Variants in PDXDC1 observed in about 807,000 individuals in gnomAD.
PDXDC1 encodes the protein pyridoxal-dependent decarboxylase domain-containing protein 1.
A neutral mutation model predicts 100.1 loss-of-function variants in PDXDC1; 42 were observed. That is an observed-to-expected ratio of 0.42 (90% confidence interval 0.33 to 0.54). The LOEUF (loss-of-function observed/expected upper bound fraction) is 0.54. PDXDC1 is among the 20% of genes least tolerant of loss of function. PDXDC1 has a pLI of 0.10. For synonymous variants in PDXDC1, 260 were observed against 371.7 expected (o/e 0.70, Z 3.46); for missense variants, 636 against 979.2 (o/e 0.65, Z 4.68).
intron 16 of PDXDC1, chr16:15,068,105 T>C (rs2045055359): frequency 1.3e-6 from 2 of 1,502,356 alleles, no homozygotes; most frequent in Non-Finnish European, 9.0e-7. Context: ...ACTCTTACAA[T>C]ACTAGATAAA....
At chr16:15,055,841 G>A (rs1429697264) in intron 16 of PDXDC1, 1 of 1,024,600 alleles carries the variant, frequency 9.8e-7, no homozygotes, top group South Asian at 4.9e-5. Flanking sequence ...AGCCCGCCCT[G>A]CAGCTTCCCC....
At chr16:15,084,443 C>T (rs558033210) in intron 16 of PDXDC1, among the ~76,000 whole-genome samples, 212 of 150,950 alleles carry the variant, frequency 1.4e-3, no homozygotes, top group African/African-American at 4.6e-3. Context: ...TGCATACAAA[C>T]TTTGAAAAAC....
chr16:15,149,003 C>T, the PDXDC1 span, among the ~76,000 whole-genome samples: 4 of 152,220 alleles, frequency 2.6e-5, no homozygotes, highest in Non-Finnish European at 5.9e-5. Flanking sequence ...TCTGAACGCC[C>T]GAGTGCGGGA....
chr16:15,076,677 A>G (rs1472258601), intron 16 of PDXDC1: 5 of 1,469,240 alleles, frequency 3.4e-6, no homozygotes, highest in East Asian at 2.3e-5. Flanking sequence ...AAAAAAAAGA[A>G]TAAAAGGATT....
At chr16:15,039,722 A>C (rs887965998), downstream of PDXDC1, among the ~76,000 whole-genome samples, 1 of 152,262 alleles carries the variant, frequency 6.6e-6, no homozygotes, top group South Asian at 2.1e-4. Flanking sequence ...TTGAATTCGG[A>C]TGCTGGGGTT....
At chr16:15,104,229 A>G in intron 16 of PDXDC1, 1 of 1,205,796 alleles carries the variant, frequency 8.3e-7, no homozygotes, top group East Asian at 2.6e-5. Flanking sequence ...AAGATTAAAA[A>G]AACCCCTACG....
At chr16:15,129,836 G>T in intron 16 of PDXDC1, 1 of 747,020 alleles carries the variant, frequency 1.3e-6, no homozygotes, top group Non-Finnish European at 2.4e-6. Context: ...AACCAGCACA[G>T]CCAGTGAGAG....
chr16:15,076,686 T>C, intron 16 of PDXDC1: 1 of 1,415,394 alleles, frequency 7.1e-7, no homozygotes, highest in Middle Eastern at 1.8e-4. Context: ...AATAAAAGGA[T>C]TTAAAAAATA....
At chr16:15,124,617 C>G (rs1337781927) in intron 16 of PDXDC1, among the ~76,000 whole-genome samples, 2 of 148,544 alleles carry the variant, frequency 1.3e-5, no homozygotes, top group African/African-American at 2.4e-5. Flanking sequence ...TAATAAAATA[C>G]AAAAATTAGC....
At chr16:15,094,345 G>C in intron 16 of PDXDC1, 9 of 997,846 alleles carry the variant, frequency 9.0e-6, no homozygotes, top group Non-Finnish European at 9.0e-6. Context: ...CCAATCAGCG[G>C]CCCCGCGTGG....
At chr16:15,143,690 A>G (rs1206841453), downstream of PDXDC1, among the ~76,000 whole-genome samples, 1 of 152,204 alleles carries the variant, frequency 6.6e-6, no homozygotes, top group Non-Finnish European at 1.5e-5. Flanking sequence ...CGGGGCGTGC[A>G]ACAGTGGGAC....
intron 1 of PDXDC1, among the ~76,000 whole-genome samples, chr16:14,980,045 A>G (rs1297284521): frequency 6.6e-6 from 1 of 152,298 alleles, no homozygotes; most frequent in Non-Finnish European, 1.5e-5. Context: ...ATGGCTGTAA[A>G]TGATTATCTA....
chr16:15,001,714 C>T (rs765898188), intron 3 of PDXDC1, 62 bp from the exon 4 acceptor site: 281 of 1,420,460 alleles, frequency 2.0e-4, no homozygotes, highest in Non-Finnish European at 2.5e-4. Flanking sequence ...AGGGAAGTAG[C>T]GGGAGAGTGG....
chr16:15,124,421 A>T (rs2047591130), intron 16 of PDXDC1, among the ~76,000 whole-genome samples: 1 of 152,182 alleles, frequency 6.6e-6, no homozygotes, highest in Non-Finnish European at 1.5e-5. Flanking sequence ...GATGCTACAA[A>T]TAGAAAGCCA....
chr16:15,055,140 C>A (rs1365769490), intron 16 of PDXDC1, among the ~76,000 whole-genome samples: 1 of 152,154 alleles, frequency 6.6e-6, no homozygotes, highest in Non-Finnish European at 1.5e-5. Context: ...TCCCCTTTAA[C>A]AGGATCTATG....
At chr16:15,146,780 C>T in the PDXDC1 span, among the ~76,000 whole-genome samples, 9 of 151,964 alleles carry the variant, frequency 5.9e-5, no homozygotes, top group Admixed American at 6.6e-5. Context: ...AATGGGCCCC[C>T]GGAACCCCTG....
chr16:14,993,910 T>C (rs1275146135), intron 1 of PDXDC1, among the ~76,000 whole-genome samples: 2 of 152,300 alleles, frequency 1.3e-5, no homozygotes, highest in African/African-American at 4.8e-5. Flanking sequence ...TGAGCATTTT[T>C]TCATGTGTCT....
At chr16:15,137,395 C>G (rs891971740) in intron 16 of PDXDC1, 35 of 1,512,046 alleles carry the variant, frequency 2.3e-5, no homozygotes, top group African/African-American at 1.7e-4. Context: ...AGCCCTGCTC[C>G]GAGAGGGCTG....
In PDXDC1 at chr16:15,008,807, G is replaced by C. The variant is rs371802617; in HGVS notation, c.608G>C (p.Arg203Pro). The part of the protein sequence containing the change: ...QLGLPFPCLC[R>P]VPCNTVFGSQ... ...GGCTTGCCCTTCCCCTGCTTGTGCCGTGTACCCTGTAACACTGTGTTTGGA... is the reference window on the plus strand; with the variant it reads ...GGCTTGCCCTTCCCCTGCTTGTGCCCTGTACCCTGTAACACTGTGTTTGGA... The change falls in exon 7 of 23, where the codon CGT becomes CCT. Residue 203 changes from arginine (R) to proline (P), a missense_variant. Physicochemically the swap from Arg to Pro is moderately radical, Grantham distance 103. Coordinates refer to ENST00000396410, the MANE Select transcript of PDXDC1 (RefSeq NM_015027.4). The C allele has an allele frequency of 4.2e-5, 67 of 1,613,894 alleles. 1 individual carries two copies. In the South Asian group the frequency reaches 6.7e-4, roughly 16 times the overall value.
Sources: gnomAD v4.1 joint callset for allele counts (sites outside exome capture counted in the v4.1 genomes callset) on GRCh38, gnomAD v4.1.1 for gene constraint, MANE v1.5 for transcripts, NCBI Gene and HGNC (gene_info 2026-07-23, HGNC 2026-07-21) for gene names.